Variants in GRM3 observed in about 807,000 individuals in gnomAD.
GRM3 encodes the protein glutamate metabotropic receptor 3.
In GRM3, 26 loss-of-function variants were observed where a neutral mutation model predicts 70.5. The ratio of observed to expected loss-of-function variants is 0.37; its 90% CI spans 0.27 to 0.51. The LOEUF (loss-of-function observed/expected upper bound fraction) is 0.51, where lower values mean the gene tolerates loss of function less well. Among genes scored for constraint, GRM3 ranks in the 20% least tolerant of loss-of-function variants. The probability of loss-of-function intolerance (pLI) is 0.93; values close to 1 mark genes in which losing one functional copy is unlikely to be tolerated. For synonymous variants in GRM3, 443 were observed against 434.9 expected (o/e 1.02, Z -0.23); for missense variants, 859 against 1,123.8 (o/e 0.76, Z 3.37).
chr7:86,757,599 C>T (rs1796375530), intron 1 of GRM3, among the ~76,000 whole-genome samples: 1 of 152,160 alleles, frequency 6.6e-6, no homozygotes, highest in Non-Finnish European at 1.5e-5. Flanking sequence ...CTCAGATCTG[C>T]CCACCAACTC....
At chr7:86,746,373 AT>A (rs1250227114) in intron 1 of GRM3, among the ~76,000 whole-genome samples, 3 of 138,982 alleles carry the variant, frequency 2.2e-5, no homozygotes, top group South Asian at 2.3e-4. Context: ...ATATATATAT[AT>A]AATCACTTCA....
rs1456964502 is a variant in GRM3, at chr7:86,765,557, A to T, written c.412A>T (p.Ile138Phe). 2.5e-6 allele frequency: 4 copies of T among 1,613,560 alleles called. No individual in the cohort carries two copies. In the African/African-American group the frequency reaches 4.0e-5, roughly 16 times the overall value. The change falls in exon 2 of 6, where the codon ATC becomes TTC. Residue 138 changes from isoleucine to phenylalanine, a missense_variant. Ile to Phe is a conservative substitution (Grantham distance 21, BLOSUM62 0). Coordinates refer to ENST00000361669, the MANE Select transcript of GRM3 (RefSeq NM_000840.3). ...TGGATCCTATGCCATTCAAGAAAAC[A>T]TCCCACTTCTCATTGCAGGGGTCAT... ...PDGSYAIQENIPLLIAGVIGG... is the reference protein window; with the variant it reads ...PDGSYAIQENFPLLIAGVIGG...
chr7:86,706,990 G>A (rs1341251909), intron 1 of GRM3, among the ~76,000 whole-genome samples: 1 of 151,956 alleles, frequency 6.6e-6, no homozygotes, highest in Non-Finnish European at 1.5e-5. Context: ...TATCTCTGCT[G>A]CTTTTTAAAA....
At chr7:86,728,930 T>C (rs1795656214) in intron 1 of GRM3, among the ~76,000 whole-genome samples, 1 of 152,142 alleles carries the variant, frequency 6.6e-6, no homozygotes, top group South Asian at 2.1e-4. Context: ...GAGTTTTTGT[T>C]GATACACCAA....
intron 3 of GRM3, among the ~76,000 whole-genome samples, chr7:86,828,042 G>T (rs1050446606): frequency 2.7e-5 from 4 of 149,310 alleles, no homozygotes; most frequent in African/African-American, 9.9e-5. Flanking sequence ...AACCCGGGAG[G>T]CAGAGCTTGC....
chr7:86,864,317 G>T lies in GRM3; in HGVS notation c.2602G>T (p.Gly868Trp). 6.2e-7 allele frequency: 1 copy of T among 1,609,264 alleles called. No homozygotes were observed. The highest frequency in any genetic ancestry group is 1.1e-5 in the South Asian group (1 of 90,976). ...ASTYVPTVCN[G>W]REVLDSTTSS... ...CACGTATGTGCCAACGGTGTGCAAT[G>T]GGCGGGAAGTCCTCGACTCCACCAC... Residue 868 changes from glycine to tryptophan, a missense_variant, in exon 6 of 6, where the codon GGG becomes TGG. Transcript: ENST00000361669.
intron 3 of GRM3, among the ~76,000 whole-genome samples, chr7:86,832,405 C>A (rs922709921): frequency 4.6e-5 from 7 of 152,004 alleles, no homozygotes; most frequent in African/African-American, 1.7e-4. Context: ...TGTGCCACCA[C>A]ATCCAGGTAA....
intron 3 of GRM3, among the ~76,000 whole-genome samples, chr7:86,830,758 T>C (rs948511381): frequency 8.5e-5 from 13 of 152,204 alleles, no homozygotes; most frequent in African/African-American, 2.9e-4. Flanking sequence ...AAGAGATATT[T>C]TGAAGTCATA....
At chr7:86,806,059 C>T (rs559113748) in intron 3 of GRM3, among the ~76,000 whole-genome samples, 3 of 152,214 alleles carry the variant, frequency 2.0e-5, no homozygotes, top group South Asian at 4.2e-4. Flanking sequence ...TCATCCATGT[C>T]CCTGCAAAGG....
intron 1 of GRM3, among the ~76,000 whole-genome samples, chr7:86,654,707 C>T (rs897884843): frequency 2.0e-5 from 3 of 152,162 alleles, no homozygotes; most frequent in Non-Finnish European, 4.4e-5. Context: ...CTGACAAAAC[C>T]TTAGCCCAGG....
intron 3 of GRM3, among the ~76,000 whole-genome samples, chr7:86,836,544 A>G (rs1430515406): frequency 1.3e-5 from 2 of 152,156 alleles, no homozygotes; most frequent in Non-Finnish European, 2.9e-5. Context: ...AAGTGTGGGG[A>G]AAAGGATGGA....
chr7:86,790,917 G>GT lies in GRM3; in HGVS notation c.1324+3807dup, dbSNP rs1346645982. On this transcript the variant is annotated intron_variant, in intron 3 of 5. Coordinates refer to ENST00000361669, the MANE Select transcript of GRM3 (RefSeq NM_000840.3). Reference sequence around the variant, plus strand: ...TCCCTTGTACCCTGCTCTACCTTTTGTTTTTTCACCCCATGACATTTTCCC... The same window carrying GT: ...TCCCTTGTACCCTGCTCTACCTTTTGTTTTTTTCACCCCATGACATTTTCCC... Among the ~76,000 whole-genome samples, 3 of 151,532 alleles carry GT rather than the reference G, an allele frequency of 2.0e-5. No homozygotes were observed. In the East Asian group the frequency reaches 5.9e-4, roughly 30 times the overall value.
At chr7:86,729,741 C>T (rs918995196) in intron 1 of GRM3, among the ~76,000 whole-genome samples, 2 of 152,204 alleles carry the variant, frequency 1.3e-5, no homozygotes, top group African/African-American at 4.8e-5. Context: ...TCCCATATTT[C>T]TCACATTGCT....
At position 86,786,606 on chromosome 7, in the gene GRM3, G is replaced by T. The variant is rs763792296; in HGVS notation, c.814G>T (p.Val272Leu). 1.2e-6 allele frequency: 2 copies of T among 1,613,426 alleles called. No homozygotes were observed. Among genetic ancestry groups the T allele is most frequent in the South Asian group, 2.2e-5 (2 of 91,090 alleles). The change falls in exon 3 of 6, where the codon GTG becomes TTG. Residue 272 changes from valine to leucine, a missense_variant. Physicochemically the swap from Val to Leu is conservative, Grantham distance 32 (BLOSUM62 1). Coordinates refer to ENST00000361669, the MANE Select transcript of GRM3 (RefSeq NM_000840.3). This position sits in a 1 kb window ranked among gnomAD's most constrained non-coding sequence, Gnocchi z 6.0. ...GTTGCAGAAGCCCAACGCGCGCGTC[G>T]TGGTCCTCTTCATGCGCAGCGACGA... is the stretch of plus-strand genomic sequence containing the variant. ...ELLQKPNARVVVLFMRSDDSR... is the reference protein window; with the variant it reads ...ELLQKPNARVLVLFMRSDDSR...
intron 1 of GRM3, among the ~76,000 whole-genome samples, chr7:86,714,700 G>A (rs1414739564): frequency 1.3e-5 from 2 of 151,936 alleles, no homozygotes; most frequent in African/African-American, 2.4e-5. Context: ...TAATCCCAAA[G>A]TGCTCCCAAA....
chr7:86,745,925 C>A (rs1323111939), intron 1 of GRM3, among the ~76,000 whole-genome samples: 1 of 151,712 alleles, frequency 6.6e-6, no homozygotes, highest in African/African-American at 2.4e-5. Context: ...TGTAAGTGTA[C>A]AGATTAATAT....
intron 1 of GRM3, among the ~76,000 whole-genome samples, chr7:86,652,484 C>G (rs1023008930): frequency 2.0e-5 from 3 of 152,124 alleles, no homozygotes. Flanking sequence ...CCGCCCGCCA[C>G]CACGCCCAAC....
intron 3 of GRM3, among the ~76,000 whole-genome samples, chr7:86,834,651 A>G (rs1798420603): frequency 6.6e-6 from 1 of 150,770 alleles, no homozygotes; most frequent in South Asian, 2.1e-4. Context: ...TTTGTTAAGT[A>G]CACTAATTTT....
chr7:86,652,282 C>T (rs1288530078), intron 1 of GRM3, among the ~76,000 whole-genome samples: 1 of 150,706 alleles, frequency 6.6e-6, no homozygotes, highest in Non-Finnish European at 1.5e-5. Flanking sequence ...TGTGATATAA[C>T]AAGACAGGAA....
Sources: allele counts gnomAD v4.1 joint callset (sites outside exome capture counted in the v4.1 genomes callset), GRCh38; gene constraint gnomAD v4.1.1; non-coding constraint Gnocchi (gnomAD v3.1); transcripts MANE v1.5; gene names NCBI Gene and HGNC (gene_info 2026-07-23, HGNC 2026-07-21).